The following CSMD1 variants were observed in gnomAD, a reference collection of about 807,000 sequenced individuals.
CSMD1 encodes CUB and sushi domain-containing protein 1.
A neutral mutation model predicts 417.5 loss-of-function variants in CSMD1; 213 were observed. The observed-to-expected ratio is 0.51, with a 90% confidence interval of 0.46 to 0.57. CSMD1 has a LOEUF of 0.57. Among genes scored for constraint, CSMD1 ranks in the 20% least tolerant of loss-of-function variants. The probability of loss-of-function intolerance (pLI) is 0.00; values close to 1 mark genes in which losing one functional copy is unlikely to be tolerated. For missense variants in CSMD1, 6,923 were observed against 4,529.7 expected (o/e 1.53, Z -15.17); for synonymous variants, 2,862 against 1,736.8 (o/e 1.65, Z -16.11).
chr8:4,465,376 G>C (rs190496240), intron 2 of CSMD1, among the ~76,000 whole-genome samples: 118 of 152,236 alleles, frequency 7.8e-4, no homozygotes, highest in Non-Finnish European at 1.5e-3. Context: ...AGATAAATGA[G>C]AAAACATGGT....
chr8:4,150,930 T>G (rs1293502551), intron 3 of CSMD1, among the ~76,000 whole-genome samples: 1 of 152,104 alleles, frequency 6.6e-6, no homozygotes, highest in Non-Finnish European at 1.5e-5. Context: ...TGTGCTTTAA[T>G]TACAGTCTGC....
chr8:4,630,160 T>A (rs1002678980), intron 2 of CSMD1, among the ~76,000 whole-genome samples: 1 of 152,148 alleles, frequency 6.6e-6, no homozygotes, highest in Non-Finnish European at 1.5e-5. Context: ...CTCATAGTAT[T>A]GCAAACATAA....
chr8:3,748,343 C>T (rs1239535714), intron 6 of CSMD1, among the ~76,000 whole-genome samples: 5 of 152,124 alleles, frequency 3.3e-5, no homozygotes, highest in African/African-American at 1.2e-4. Context: ...ATACTTCATG[C>T]ATCCATACCT....
At chr8:3,761,440 T>A (rs1797992624) in intron 5 of CSMD1, among the ~76,000 whole-genome samples, 1 of 151,310 alleles carries the variant, frequency 6.6e-6, no homozygotes, top group Admixed American at 6.6e-5. Flanking sequence ...ACCCATATGG[T>A]ATATTTAAAA....
intron 1 of CSMD1, among the ~76,000 whole-genome samples, chr8:4,806,475 G>A (rs377326568): frequency 6.7e-6 from 1 of 148,276 alleles, no homozygotes; most frequent in East Asian, 2.2e-4. Context: ...CCCATCTGTG[G>A]GCCATCTATT....
At chr8:3,714,342 A>C (rs1461192372) in intron 6 of CSMD1, among the ~76,000 whole-genome samples, 3 of 150,912 alleles carry the variant, frequency 2.0e-5, no homozygotes, top group Non-Finnish European at 4.4e-5. Context: ...AATCTTTTAT[A>C]TTTACCTTTT....
intron 23 of CSMD1, among the ~76,000 whole-genome samples, chr8:3,338,010 G>A (rs1445708908): frequency 6.6e-6 from 1 of 152,116 alleles, no homozygotes; most frequent in Non-Finnish European, 1.5e-5. Flanking sequence ...TCCTACTTTG[G>A]CAGATGCTTT....
intron 3 of CSMD1, among the ~76,000 whole-genome samples, chr8:4,039,985 G>A (rs759188407): frequency 2.0e-5 from 3 of 152,140 alleles, no homozygotes; most frequent in East Asian, 1.9e-4. Context: ...CAGGGCACTC[G>A]GTACAGGTTA....
At chr8:3,430,319 T>C (rs904973993) in intron 12 of CSMD1, among the ~76,000 whole-genome samples, 1 of 152,174 alleles carries the variant, frequency 6.6e-6, no homozygotes, top group Non-Finnish European at 1.5e-5. Flanking sequence ...CTGAGAAATG[T>C]AGAAATCATT....
At chr8:4,117,241 G>A (rs5016255) in intron 3 of CSMD1, among the ~76,000 whole-genome samples, 7 of 122,848 alleles carry the variant, frequency 5.7e-5, no homozygotes, top group African/African-American at 1.8e-4. Flanking sequence ...GTTTCTGTCT[G>A]CTTTCCTCTC....
In CSMD1 at chr8:3,883,397, G is replaced by C. The variant is rs76615335; in HGVS notation, c.818+114506C>G. ...ATCGATTTCTCATAGTTTTAAACTG[G>C]GTGTATGTGTGTGTATATATGTATG... is the stretch of plus-strand genomic sequence containing the variant. On this transcript the variant is annotated intron_variant, in intron 5 of 69. Coordinates refer to ENST00000635120, the MANE Select transcript of CSMD1 (RefSeq NM_033225.6). Among the ~76,000 whole-genome samples, 103 of 151,984 alleles carry C rather than the reference G, an allele frequency of 6.8e-4. No individual in the cohort carries two copies. In the Middle Eastern group the frequency reaches 0.01, roughly 15 times the overall value.
At chr8:4,258,130 A>G (rs1324682325) in intron 3 of CSMD1, among the ~76,000 whole-genome samples, 1 of 150,886 alleles carries the variant, frequency 6.6e-6, no homozygotes, top group Non-Finnish European at 1.5e-5. Context: ...TTTTTAGTAG[A>G]GATGAGGTCT....
chr8:3,654,472 G>T (rs549211644), intron 7 of CSMD1, among the ~76,000 whole-genome samples: 1 of 152,126 alleles, frequency 6.6e-6, no homozygotes, highest in Non-Finnish European at 1.5e-5. Flanking sequence ...AGGGTACACA[G>T]GAGCTTTTAA....
intron 4 of CSMD1, among the ~76,000 whole-genome samples, chr8:4,029,542 C>G (rs1797233931): frequency 6.6e-6 from 1 of 152,078 alleles, no homozygotes; most frequent in African/African-American, 2.4e-5. Context: ...AAAGAACTGC[C>G]TCCATGGTTC....
At chr8:3,738,686 T>C (rs1584927001) in intron 6 of CSMD1, among the ~76,000 whole-genome samples, 1 of 152,182 alleles carries the variant, frequency 6.6e-6, no homozygotes, top group East Asian at 1.9e-4. Context: ...TTCTACTGAA[T>C]GCACACAGAC....
chr8:4,127,405 C>G (rs140330319), intron 3 of CSMD1, among the ~76,000 whole-genome samples: 1 of 130,508 alleles, frequency 7.7e-6, no homozygotes, highest in East Asian at 2.5e-4. Context: ...TCTGGAAAAT[C>G]TAAACCAACC....
At chr8:4,752,020 T>A (rs1036041474) in intron 1 of CSMD1, among the ~76,000 whole-genome samples, 1 of 152,228 alleles carries the variant, frequency 6.6e-6, no homozygotes, top group Non-Finnish European at 1.5e-5. Flanking sequence ...GATTAGTATC[T>A]ACATTAAATA....
intron 3 of CSMD1, among the ~76,000 whole-genome samples, chr8:4,390,989 T>C (rs1204001487): frequency 2.0e-5 from 3 of 152,184 alleles, no homozygotes; most frequent in Non-Finnish European, 4.4e-5. Context: ...TTCTACCATA[T>C]GTGTGTTTGT....
intron 11 of CSMD1, among the ~76,000 whole-genome samples, chr8:3,492,009 C>T (rs1366413338): frequency 3.3e-5 from 5 of 152,004 alleles, no homozygotes; most frequent in Non-Finnish European, 5.9e-5. Context: ...GTTCTCAGGG[C>T]AAATGGGAGG....
Sources: gnomAD v4.1 joint callset for allele counts (sites outside exome capture counted in the v4.1 genomes callset) on GRCh38, gnomAD v4.1.1 for gene constraint, MANE v1.5 for transcripts, NCBI Gene and HGNC (gene_info 2026-07-23, HGNC 2026-07-21) for gene names.